Variants in AGBL4 observed in about 807,000 individuals in gnomAD.
AGBL4 encodes the protein AGBL carboxypeptidase 4.
A neutral mutation model predicts 66.4 loss-of-function variants in AGBL4; 58 were observed. The ratio of observed to expected loss-of-function variants is 0.87; its 90% confidence interval spans 0.71 to 1.09. The LOEUF is 1.09. Ranked by LOEUF, AGBL4 falls within the 50% of genes least tolerant of loss-of-function variation. AGBL4 has a pLI of 0.00. For synonymous variants in AGBL4, 234 were observed against 222.9 expected (o/e 1.05, Z -0.44); for missense variants, 579 against 631.0 (o/e 0.92, Z 0.88).
At chr1:49,876,995 T>C (rs1365486989) in intron 1 of AGBL4, among the ~76,000 whole-genome samples, 1 of 151,872 alleles carries the variant, frequency 6.6e-6, no homozygotes, top group Non-Finnish European at 1.5e-5. Flanking sequence ...TTGTGATTTT[T>C]GTACATTGAT....
chr1:49,883,459 T>G (rs1244534527), intron 1 of AGBL4, among the ~76,000 whole-genome samples: 1 of 152,086 alleles, frequency 6.6e-6, no homozygotes, highest in African/African-American at 2.4e-5. Flanking sequence ...TACTTTTTAA[T>G]TATGTGTATC....
intron 8 of AGBL4, 123 bp downstream of exon 8, chr1:48,653,214 T>C (rs1460700967): frequency 1.4e-6 from 1 of 703,992 alleles, no homozygotes; most frequent in African/African-American, 1.8e-5. Context: ...GGTGAAACTT[T>C]CTCTAATGAA....
chr1:48,680,454 A>G (rs189670537), intron 6 of AGBL4, among the ~76,000 whole-genome samples: 5,886 of 152,244 alleles, frequency 0.039, 381 homozygotes, highest in African/African-American at 0.13. Flanking sequence ...CGATCAGAAA[A>G]AAAATGATTG....
chr1:49,300,917 A>G (rs1284823351), intron 3 of AGBL4, among the ~76,000 whole-genome samples: 1 of 152,124 alleles, frequency 6.6e-6, no homozygotes, highest in Non-Finnish European at 1.5e-5. Context: ...ATGGTTAGAA[A>G]TTCTTCCTTT....
chr1:49,207,437 T>C (rs1222831694), intron 4 of AGBL4, among the ~76,000 whole-genome samples: 1 of 106,840 alleles, frequency 9.4e-6, no homozygotes, highest in Non-Finnish European at 1.9e-5. Flanking sequence ...ATCTCCTTTC[T>C]TTCTTTTTCT....
chr1:49,808,366 G>C (rs546769717), intron 2 of AGBL4, among the ~76,000 whole-genome samples: 81 of 152,264 alleles, frequency 5.3e-4, no homozygotes, highest in African/African-American at 1.8e-3. Flanking sequence ...GACAGGAGGA[G>C]GCTCAATGTT....
intron 1 of AGBL4, among the ~76,000 whole-genome samples, chr1:49,948,424 GATAA>G (rs1405406206): frequency 1.7e-5 from 1 of 60,226 alleles, no homozygotes; most frequent in African/African-American, 6.5e-5. Context: ...GATAAATATA[GATAA>G]ATATATAAAT....
intron 3 of AGBL4, among the ~76,000 whole-genome samples, chr1:49,323,857 G>C (rs1049812061): frequency 1.3e-5 from 2 of 151,704 alleles, no homozygotes; most frequent in African/African-American, 4.8e-5. Flanking sequence ...AGCCATCTCT[G>C]ATTCCTCAGC....
Position 49,396,088 on chromosome 1 carries a change from T to C in AGBL4, c.283-150224A>G, listed in dbSNP as rs188113893. ...CCTTGTGCTGCATCAGAGTTACTTT[T>C]TGAGGGATTATTGTTCTCCCATGCT... On this transcript the variant is annotated intron_variant, in intron 3 of 13. Transcript: ENST00000371839. Among the ~76,000 whole-genome samples the C allele has an allele frequency of 1.1e-4, 17 of 151,728 alleles. 1 individual carries two copies. In the East Asian group the frequency reaches 3.1e-3, roughly 28 times the overall value.
chr1:49,726,889 G>T (rs958081194), intron 2 of AGBL4, among the ~76,000 whole-genome samples: 1 of 151,996 alleles, frequency 6.6e-6, no homozygotes, highest in Non-Finnish European at 1.5e-5. Context: ...CTAACTAAAG[G>T]CAAGAAAAGA....
At chr1:49,645,264 A>T (rs997298526) in intron 3 of AGBL4, among the ~76,000 whole-genome samples, 1 of 151,516 alleles carries the variant, frequency 6.6e-6, no homozygotes, top group African/African-American at 2.4e-5. Context: ...AGCAAAAGTA[A>T]TATGGAAAAT....
intron 3 of AGBL4, among the ~76,000 whole-genome samples, chr1:49,466,758 G>A (rs1646639353): frequency 6.6e-6 from 1 of 151,720 alleles, no homozygotes; most frequent in South Asian, 2.1e-4. Flanking sequence ...TTAAAACTGG[G>A]TTCGTATCCT....
intron 5 of AGBL4, among the ~76,000 whole-genome samples, chr1:49,033,817 CTTTTCTTTT>C (rs1409928283): frequency 1.3e-5 from 2 of 150,750 alleles, no homozygotes; most frequent in African/African-American, 2.4e-5. Flanking sequence ...TTCCTTTTTC[CTTTTCTTTT>C]TTTTTTTTTT....
At chr1:49,577,077 G>A (rs1644452092) in intron 3 of AGBL4, among the ~76,000 whole-genome samples, 2 of 152,250 alleles carry the variant, frequency 1.3e-5, no homozygotes, top group Admixed American at 6.5e-5. Context: ...GGACTTGGAA[G>A]AAGCATGATT....
At position 49,044,267 on chromosome 1, in the gene AGBL4, G is replaced by A. The variant is rs188881820; in HGVS notation, c.594+1317C>T. Among the ~76,000 whole-genome samples, 434 of 152,236 alleles carry A rather than the reference G, an allele frequency of 2.9e-3. 2 individuals are homozygous for A. Among genetic ancestry groups the A allele is most frequent in the Non-Finnish European group, 4.3e-3 (293 of 68,018 alleles). On this transcript the variant is annotated intron_variant, in intron 5 of 13. Coordinates refer to ENST00000371839, the MANE Select transcript of AGBL4 (RefSeq NM_032785.4). ...AATCCCAGCACTTTGGGAGGCCGAG[G>A]CGGGTGGATCGCCTGAGGTCAGGAG...
chr1:49,298,782 A>T (rs1416622997), intron 3 of AGBL4, among the ~76,000 whole-genome samples: 1 of 152,216 alleles, frequency 6.6e-6, no homozygotes, highest in East Asian at 1.9e-4. Context: ...CTCCATGAAG[A>T]CTGGGTTGGC....
intron 9 of AGBL4, among the ~76,000 whole-genome samples, chr1:48,607,869 C>T (rs1365047526): frequency 2.0e-5 from 3 of 152,176 alleles, no homozygotes; most frequent in Non-Finnish European, 4.4e-5. Context: ...CTGTGTAAAA[C>T]AGCTCACATT....
intron 5 of AGBL4, among the ~76,000 whole-genome samples, chr1:49,005,362 G>A (rs772863545): frequency 6.6e-6 from 1 of 152,040 alleles, no homozygotes. Flanking sequence ...TTAAATTGTG[G>A]GCTGTTAAAT....
chr1:49,699,215 T>C (rs1005411290), intron 2 of AGBL4, among the ~76,000 whole-genome samples: 2 of 152,114 alleles, frequency 1.3e-5, no homozygotes, highest in African/African-American at 2.4e-5. Context: ...TTCTTTGTGC[T>C]CACTAAGCTT....
Sources: gnomAD v4.1 joint callset for allele counts (sites outside exome capture counted in the v4.1 genomes callset) on GRCh38, gnomAD v4.1.1 for gene constraint, MANE v1.5 for transcripts, NCBI Gene and HGNC (gene_info 2026-07-23, HGNC 2026-07-21) for gene names.